Variants in GABPB1 observed in about 807,000 individuals in gnomAD.
GABPB1 encodes the protein GA-binding protein subunit beta-1.
GABPB1 carries 15 observed loss-of-function variants against 45.9 expected under a neutral mutation model. That is an observed-to-expected ratio of 0.33 (90% CI 0.22 to 0.50). The LOEUF (loss-of-function observed/expected upper bound fraction) is 0.50, where lower values mean the gene tolerates loss of function less well. Among genes scored for constraint, GABPB1 ranks in the 20% least tolerant of loss-of-function variants. The pLI is 0.98. For synonymous variants in GABPB1, 143 were observed against 154.4 expected, an observed-to-expected ratio of 0.93 and a Z score of 0.55; for missense variants, 252 against 457.5, an observed-to-expected ratio of 0.55 and a Z score of 4.10.
chr15:50,294,603 T>C (rs1274857403), intron 6 of GABPB1, among the ~76,000 whole-genome samples: 1 of 152,102 alleles, frequency 6.6e-6, no homozygotes, highest in East Asian at 1.9e-4. Context: ...CAGTTTAACC[T>C]GAAATTAAAA....
intron 1 of GABPB1, among the ~76,000 whole-genome samples, chr15:50,328,093 A>G (rs939174936): frequency 6.6e-6 from 1 of 152,024 alleles, no homozygotes; most frequent in Admixed American, 6.6e-5. Flanking sequence ...CATTATACAA[A>G]TTTTCAAATA....
chr15:50,333,440 A>C (rs770302320), intron 1 of GABPB1, among the ~76,000 whole-genome samples: 1 of 152,172 alleles, frequency 6.6e-6, no homozygotes, highest in Non-Finnish European at 1.5e-5. Context: ...TATTATTTTT[A>C]GCTCAGTGAG....
chr15:50,304,438 T>C (rs1045646141), intron 2 of GABPB1, among the ~76,000 whole-genome samples: 2 of 152,084 alleles, frequency 1.3e-5, no homozygotes, highest in Non-Finnish European at 2.9e-5. Flanking sequence ...AGGCCGAACG[T>C]GGTGGCTCAC....
chr15:50,315,331 C>G (rs2047280992), intron 1 of GABPB1, among the ~76,000 whole-genome samples: 1 of 152,054 alleles, frequency 6.6e-6, no homozygotes, highest in Non-Finnish European at 1.5e-5. Context: ...GGGTTTTTGC[C>G]ATGTTGCCCA....
intron 6 of GABPB1, among the ~76,000 whole-genome samples, chr15:50,291,952 A>T (rs1257434801): frequency 6.6e-6 from 1 of 150,874 alleles, no homozygotes; most frequent in African/African-American, 2.4e-5. Flanking sequence ...CTATAATAAT[A>T]CCTCATAAAA....
rs192355211 is a variant in GABPB1, at chr15:50,306,199, G to C, written c.109-2066C>G. Among the ~76,000 whole-genome samples, 1,511 of 152,034 alleles carry C rather than the reference G, an allele frequency of 9.9e-3. 19 individuals are homozygous for C. Among genetic ancestry groups the C allele is most frequent in the Non-Finnish European group, 0.015 (1,012 of 68,002 alleles). ...TGCCCATGCTGGTCTTGAACTTCTG[G>C]CCTCAAATAATCTGCCACCTCAGTC... On this transcript the variant is annotated intron_variant, in intron 2 of 8. Coordinates refer to ENST00000380877, the MANE Select transcript of GABPB1 (RefSeq NM_016654.5).
At chr15:50,354,963 C>A in intron 1 of GABPB1, 22 bp downstream of exon 1, 1 of 198,688 alleles carries the variant, frequency 5.0e-6, no homozygotes, top group Non-Finnish European at 1.0e-5. Flanking sequence ...GGTAACAGGG[C>A]CCTACACAGA....
At chr15:50,289,404 G>A (rs2046270595) in intron 7 of GABPB1, 79 bp downstream of exon 7, 4 of 824,462 alleles carry the variant, frequency 4.9e-6, no homozygotes, top group Middle Eastern at 6.9e-4. Context: ...CAATCTTTTT[G>A]GACTGCAGGG....
intron 7 of GABPB1, among the ~76,000 whole-genome samples, chr15:50,288,960 C>A (rs947084526): frequency 6.6e-6 from 1 of 151,866 alleles, no homozygotes; most frequent in African/African-American, 2.4e-5. Flanking sequence ...CAAGTAGCTG[C>A]GACTATCAGC....
At chr15:50,296,556 G>A (rs2046517537) in intron 6 of GABPB1, among the ~76,000 whole-genome samples, 1 of 152,196 alleles carries the variant, frequency 6.6e-6, no homozygotes, top group South Asian at 2.1e-4. Flanking sequence ...AGAGGTCACA[G>A]ACATATACCT....
intron 6 of GABPB1, among the ~76,000 whole-genome samples, chr15:50,296,273 T>C (rs1308990435): frequency 6.6e-6 from 1 of 152,208 alleles, no homozygotes; most frequent in Non-Finnish European, 1.5e-5. Flanking sequence ...AGTGTACTGA[T>C]GGAGCTTACA....
At chr15:50,352,782 TCA>T (rs2048895366) in intron 1 of GABPB1, 1 of 152,244 alleles carries the variant, frequency 6.6e-6, no homozygotes, top group Non-Finnish European at 1.5e-5. Context: ...ACTGACAGAT[TCA>T]GACTACAGTT....
chr15:50,287,505 A>G (rs1370104825), intron 7 of GABPB1, among the ~76,000 whole-genome samples: 1 of 152,190 alleles, frequency 6.6e-6, no homozygotes, highest in Non-Finnish European at 1.5e-5. Flanking sequence ...GTGTCCTTAC[A>G]GGAAGAGGAG....
At chr15:50,325,304 CA>C (rs35524259) in intron 1 of GABPB1, among the ~76,000 whole-genome samples, 2,079 of 120,930 alleles carry the variant, frequency 0.017, 42 homozygotes, top group African/African-American at 0.05. Flanking sequence ...GATGTTATGC[CA>C]AAAAAAAAAA....
At chr15:50,300,939 G>A (rs773708993) in intron 5 of GABPB1, 37 bp from the exon 6 acceptor site, 2 of 1,252,968 alleles carry the variant, frequency 1.6e-6, no homozygotes, top group East Asian at 2.3e-5. Flanking sequence ...AATTTCTAAG[G>A]AGCTTAATCC....
At chr15:50,298,379 C>A (rs1258458480) in intron 6 of GABPB1, among the ~76,000 whole-genome samples, 1 of 152,182 alleles carries the variant, frequency 6.6e-6, no homozygotes, top group African/African-American at 2.4e-5. Context: ...AGCCACCACA[C>A]CCGGCCAGAG....
At chr15:50,344,956 T>A (rs533202089) in intron 1 of GABPB1, among the ~76,000 whole-genome samples, 11 of 152,232 alleles carry the variant, frequency 7.2e-5, no homozygotes, top group African/African-American at 2.6e-4. Context: ...TGAATAATAA[T>A]AAATCTAAAA....
chr15:50,326,829 C>T (rs971118132), intron 1 of GABPB1, among the ~76,000 whole-genome samples: 1 of 149,408 alleles, frequency 6.7e-6, no homozygotes, highest in Non-Finnish European at 1.5e-5. Flanking sequence ...GCAAGACCCC[C>T]GTCTTTAAAA....
intron 8 of GABPB1, among the ~76,000 whole-genome samples, chr15:50,285,553 A>AGGGGAAAAAATGATGAATCC (rs2046124737): frequency 6.6e-6 from 1 of 152,114 alleles, no homozygotes; most frequent in Admixed American, 6.5e-5. Flanking sequence ...ACTTTGGGAG[A>AGGGGAAAAAATGATGAATCC]GGGGAAAAAA....
Sources: gnomAD v4.1 joint callset for allele counts (sites outside exome capture counted in the v4.1 genomes callset) on GRCh38, gnomAD v4.1.1 for gene constraint, MANE v1.5 for transcripts, NCBI Gene and HGNC (gene_info 2026-07-23, HGNC 2026-07-21) for gene names.